The following CSMD3 variants were observed in gnomAD, a reference collection of about 807,000 sequenced individuals.
CSMD3 encodes CUB and Sushi multiple domains 3.
A neutral mutation model predicts 435.2 loss-of-function variants in CSMD3; 177 were observed. The observed-to-expected ratio is 0.41, with a 90% CI of 0.36 to 0.46. The LOEUF is 0.46. Among genes scored for constraint, CSMD3 ranks in the 20% least tolerant of loss-of-function variants. CSMD3 has a pLI of 0.34. For synonymous variants in CSMD3, 1,656 were observed against 1,520.5 expected, an observed-to-expected ratio of 1.09 and a Z score of -2.07; for missense variants, 4,265 against 4,504.6, an observed-to-expected ratio of 0.95 and a Z score of 1.52.
chr8:112,456,623 A>T (rs1050283764), intron 32 of CSMD3, among the ~76,000 whole-genome samples: 2 of 152,136 alleles, frequency 1.3e-5, no homozygotes, highest in Non-Finnish European at 2.9e-5. Context: ...TATAACTATT[A>T]CATTTCTTGT....
chr8:112,920,907 A>G (rs1263665186), intron 10 of CSMD3, among the ~76,000 whole-genome samples: 1 of 104,938 alleles, frequency 9.5e-6, no homozygotes, highest in East Asian at 3.0e-4. Context: ...TTTGCCATAT[A>G]TATATATATA....
chr8:112,708,468 GAAT>G (rs2076543807), intron 13 of CSMD3, among the ~76,000 whole-genome samples: 1 of 151,880 alleles, frequency 6.6e-6, no homozygotes, highest in Non-Finnish European at 1.5e-5. Flanking sequence ...ATTCATTTTG[GAAT>G]AATTAAAGGA....
At chr8:112,292,775 T>TAA in intron 54 of CSMD3, 65 bp from the exon 55 acceptor site, 1 of 1,349,812 alleles carries the variant, frequency 7.4e-7, no homozygotes, top group Non-Finnish European at 1.1e-6. Context: ...TTATCAGTTA[T>TAA]TGCATTATTG....
intron 1 of CSMD3, among the ~76,000 whole-genome samples, chr8:113,409,922 G>A (rs1053948636): frequency 1.1e-4 from 16 of 151,734 alleles, no homozygotes; most frequent in African/African-American, 3.9e-4. Flanking sequence ...CCTGGGTGGA[G>A]GGACCAGATA....
chr8:113,234,426 A>G (rs1313410493), intron 3 of CSMD3, among the ~76,000 whole-genome samples: 1 of 152,152 alleles, frequency 6.6e-6, no homozygotes, highest in Non-Finnish European at 1.5e-5. Flanking sequence ...GCTGAACAAA[A>G]TTCCTTAAAC....
intron 27 of CSMD3, among the ~76,000 whole-genome samples, chr8:112,534,768 G>A (rs1229178846): frequency 6.6e-6 from 1 of 152,026 alleles, no homozygotes; most frequent in East Asian, 1.9e-4. Context: ...GAACATTGAT[G>A]CAAAAATCCT....
intron 3 of CSMD3, among the ~76,000 whole-genome samples, chr8:113,226,652 T>C (rs1011301683): frequency 6.6e-6 from 1 of 151,570 alleles, no homozygotes. Flanking sequence ...TGCTTCTTGA[T>C]TGTCAACACA....
At chr8:112,745,164 C>T (rs1175669361) in intron 13 of CSMD3, among the ~76,000 whole-genome samples, 1 of 151,966 alleles carries the variant, frequency 6.6e-6, no homozygotes, top group Non-Finnish European at 1.5e-5. Context: ...GTGGGAATAA[C>T]TGTGACAGTG....
At chr8:112,475,055 T>C (rs920884071) in intron 31 of CSMD3, among the ~76,000 whole-genome samples, 13 of 152,166 alleles carry the variant, frequency 8.5e-5, no homozygotes, top group Non-Finnish European at 1.2e-4. Flanking sequence ...CATTCAAGAA[T>C]GGGCAGTATG....
At chr8:113,301,155 G>T (rs2093763393) in intron 2 of CSMD3, among the ~76,000 whole-genome samples, 1 of 152,038 alleles carries the variant, frequency 6.6e-6, no homozygotes, top group Non-Finnish European at 1.5e-5. Context: ...TACTGGTAGG[G>T]TGAAGTCAGA....
rs143626492 is a variant in CSMD3 at position 112,984,966 on chromosome 8, T to C, written c.1031-8818A>G. Among the ~76,000 whole-genome samples, 91 of 151,192 alleles carry C rather than the reference T, an allele frequency of 6.0e-4. 1 individual carries two copies. The East Asian group carries it at 0.011, about 17-fold the overall frequency. Reference sequence around the variant, plus strand: ...ATTTCACAAACACAAATTAAATGACTATTATACTTTAGATACATGATAGAT... The same window carrying C: ...ATTTCACAAACACAAATTAAATGACCATTATACTTTAGATACATGATAGAT... On this transcript the variant is annotated intron_variant, in intron 6 of 70. Coordinates refer to ENST00000297405, the MANE Select transcript of CSMD3 (RefSeq NM_198123.2).
intron 38 of CSMD3, among the ~76,000 whole-genome samples, chr8:112,378,583 T>A (rs1328790190): frequency 1.3e-5 from 2 of 152,188 alleles, no homozygotes; most frequent in Non-Finnish European, 2.9e-5. Context: ...TATTGCATAT[T>A]CTCACGCATA....
intron 45 of CSMD3, among the ~76,000 whole-genome samples, chr8:112,333,371 G>C (rs1942459546): frequency 6.6e-6 from 1 of 151,902 alleles, no homozygotes; most frequent in African/African-American, 2.4e-5. Flanking sequence ...TTCGCCATGT[G>C]GGTCAGGCTA....
At chr8:113,436,540 C>G (rs1383772976) in intron 1 of CSMD3, 137 bp downstream of exon 1, 4 of 853,414 alleles carry the variant, frequency 4.7e-6, no homozygotes, top group South Asian at 4.1e-5. Context: ...GGGGGGAGAA[C>G]GAGCTGTGAA....
At chr8:112,675,747 C>T (rs1473153289) in intron 16 of CSMD3, among the ~76,000 whole-genome samples, 2 of 151,984 alleles carry the variant, frequency 1.3e-5, no homozygotes, top group Admixed American at 6.6e-5. Context: ...GACCAAGTCT[C>T]TTTAGAGAAG....
rs148465012 is a variant in CSMD3 at position 112,830,452 on chromosome 8, G to A, written c.1756-663C>T. Among the ~76,000 whole-genome samples, 551 of 152,066 alleles carry A rather than the reference G, an allele frequency of 3.6e-3. 6 individuals carry two copies. Among genetic ancestry groups the A allele is most frequent in the African/African-American group, 0.013 (535 of 41,494 alleles). On this transcript the variant is annotated intron_variant, in intron 11 of 70. Coordinates refer to ENST00000297405, the MANE Select transcript of CSMD3 (RefSeq NM_198123.2). ...AAATATACTCATGTATCCATATATT[G>A]TTTATATACCTATGCAAAAATTCAA...
chr8:112,634,908 A>T (rs771244800), intron 22 of CSMD3, among the ~76,000 whole-genome samples: 10 of 151,996 alleles, frequency 6.6e-5, no homozygotes, highest in African/African-American at 2.4e-4. Context: ...CAAAAAAATC[A>T]TAGTGCTACC....
chr8:113,391,038 T>G (rs1039101097), intron 1 of CSMD3, among the ~76,000 whole-genome samples: 2 of 151,956 alleles, frequency 1.3e-5, no homozygotes, highest in African/African-American at 4.8e-5. Context: ...GACAAGGCAC[T>G]GGAGAAATAG....
intron 1 of CSMD3, among the ~76,000 whole-genome samples, chr8:113,382,720 C>T (rs1394793912): frequency 6.6e-6 from 1 of 152,144 alleles, no homozygotes; most frequent in Non-Finnish European, 1.5e-5. Context: ...TGGCTCATGC[C>T]TGTAATCCCA....
Sources: gnomAD v4.1 joint callset for allele counts (sites outside exome capture counted in the v4.1 genomes callset) on GRCh38, gnomAD v4.1.1 for gene constraint, MANE v1.5 for transcripts, NCBI Gene and HGNC (gene_info 2026-07-23, HGNC 2026-07-21) for gene names.